Variants in SLC2A7 observed in about 807,000 individuals in gnomAD.
SLC2A7 encodes the protein solute carrier family 2, facilitated glucose transporter member 7.
Under a neutral mutation model 50.5 loss-of-function variants are expected in SLC2A7, and 50 were observed. The observed-to-expected ratio is 0.99, with a 90% CI of 0.79 to 1.25. The LOEUF (loss-of-function observed/expected upper bound fraction) is 1.25, where lower values mean the gene tolerates loss of function less well. Ranked by LOEUF, SLC2A7 falls within the 50% of genes most tolerant of loss-of-function variation. The pLI is 0.00. For missense variants in SLC2A7, 683 were observed against 679.1 expected (o/e 1.01, Z -0.06); for synonymous variants, 308 against 300.4 (o/e 1.03, Z -0.26).
intron 5 of SLC2A7, among the ~76,000 whole-genome samples, chr1:9,016,966 C>T (rs563806228): frequency 2.0e-5 from 3 of 152,128 alleles, no homozygotes; most frequent in Admixed American, 6.5e-5. Context: ...CCACTCCCCC[C>T]GAGGCTAACC....
downstream of SLC2A7, among the ~76,000 whole-genome samples, chr1:8,998,869 T>C (rs1299963959): frequency 6.6e-6 from 1 of 152,212 alleles, no homozygotes; most frequent in Non-Finnish European, 1.5e-5. Flanking sequence ...AATTTTTGTA[T>C]CTATGCTCAT....
chr1:9,017,524 C>T (rs575842727), intron 5 of SLC2A7, among the ~76,000 whole-genome samples: 83 of 152,346 alleles, frequency 5.4e-4, no homozygotes, highest in African/African-American at 1.9e-3. Context: ...CCATTTACGT[C>T]GGATCAGACC....
In SLC2A7 at chr1:9,023,835, C is replaced by CTTTTTTTTT. The variant is rs1557653846; in HGVS notation, c.151-758_151-757insAAAAAAAAA. ...CAGAGGCACCATAGGAAATATTCTT[C>CTTTTTTTTT]TTCTTTTTTTTTTTTTTTTTTTTTT... On this transcript the variant is annotated intron_variant, in intron 2 of 11. Transcript: ENST00000400906. 1.2e-3 allele frequency among the ~76,000 whole-genome samples: 78 copies of CTTTTTTTTT among 65,986 alleles called. 9 individuals carry two copies. Among genetic ancestry groups the CTTTTTTTTT allele is most frequent in the Admixed American group, 1.6e-3 (6 of 3,740 alleles). 43.3% of individuals were successfully genotyped at this position (65,986 alleles called of 152,430 possible). A position where few individuals can be genotyped will look rare whatever the true frequency, so the allele number is the denominator to read the frequency against.
chr1:9,006,937 G>A (rs1640660989), intron 10 of SLC2A7, among the ~76,000 whole-genome samples: 1 of 152,224 alleles, frequency 6.6e-6, no homozygotes, highest in Non-Finnish European at 1.5e-5. Flanking sequence ...AGCCTTGGGT[G>A]TGCTGTGGGC....
In SLC2A7 at chr1:9,023,835, C is replaced by CTTTTTT. The variant is rs1557653846; in HGVS notation, c.151-758_151-757insAAAAAA. The stretch of plus-strand genomic sequence containing the variant: ...CAGAGGCACCATAGGAAATATTCTT[C>CTTTTTT]TTCTTTTTTTTTTTTTTTTTTTTTT... On this transcript the variant is annotated intron_variant, in intron 2 of 11. Transcript: ENST00000400906. Among the ~76,000 whole-genome samples the CTTTTTT allele has an allele frequency of 7.7e-3, 506 of 65,966 alleles. 87 individuals are homozygous for CTTTTTT. Among genetic ancestry groups the CTTTTTT allele is most frequent in the Middle Eastern group, 0.016 (1 of 64 alleles). The allele number at this position is 65,966 out of a possible 152,430, so 43.3% of individuals were successfully genotyped here.
rs770236638 is a variant in SLC2A7 at position 9,018,334 on chromosome 1, C to T, written c.478G>A (p.Ala160Thr). 1.2e-6 allele frequency: 2 copies of T among 1,613,984 alleles called. No individual in the cohort carries two copies. Among genetic ancestry groups the T allele is most frequent in the Non-Finnish European group, 1.7e-6 (2 of 1,180,020 alleles). ...ACCATGCCTCTCAGGTTCTTGGGGG[C>T]CAGTTCTCCCAGGTACATGGGAAGG... ...SALPMYLGELAPKNLRGMVGT... is the reference protein window; with the variant it reads ...SALPMYLGELTPKNLRGMVGT... The change falls in exon 5 of 12, where the codon GCC (alanine) becomes ACC (threonine). Residue 160 changes from alanine (A) to threonine (T), a missense_variant. Transcript: ENST00000400906.
Position 9,019,283 on chromosome 1 carries a change from AG to A in SLC2A7, c.361del (p.Leu121Ter), listed in dbSNP as rs763610764. ...NNIFAIIPAI[L>X]MGVSKVAKAF... Reference sequence around the variant, plus strand: ...CTTGGCCACTTTGCTGACTCCCATCAGGATGGCGGGGATGATGGCAAAGATG... The same window carrying A: ...CTTGGCCACTTTGCTGACTCCCATCAGATGGCGGGGATGATGGCAAAGATG... On this transcript the variant is annotated frameshift_variant, in exon 4 of 12. Transcript: ENST00000400906. LOFTEE classifies it high-confidence loss of function. 8 of 1,614,094 alleles carry A rather than the reference AG, an allele frequency of 5.0e-6. No homozygotes were observed. The South Asian group carries it at 8.8e-5, about 18-fold the overall frequency.
At position 9,014,805 on chromosome 1, in the gene SLC2A7, G is replaced by T; in HGVS notation, c.779C>A (p.Ala260Asp). The T allele has an allele frequency of 1.2e-6, 2 of 1,603,936 alleles. No individual in the cohort carries two copies. Among genetic ancestry groups the T allele is most frequent in the Non-Finnish European group, 1.7e-6 (2 of 1,176,284 alleles). The change falls in exon 7 of 12, where the codon GCC becomes GAC. Residue 260 changes from alanine (A) to aspartate (D), a missense_variant. Physicochemically the swap from Ala to Asp is moderately radical, Grantham distance 126. Coordinates refer to ENST00000400906, the MANE Select transcript of SLC2A7 (RefSeq NM_207420.3). ...GTGGCCCTCGGCGCGCTCGGCCCGG[G>T]CCTCCGCACGCATGTCCTCCAGCTC... The part of the protein sequence containing the change: ...EAELEDMRAE[A>D]RAERAEGHLS...
rs1209627888 is a variant in SLC2A7 at position 9,010,224 on chromosome 1, C to T, written c.1035G>A (p.Leu345=). 6 of 1,551,252 alleles carry T rather than the reference C, an allele frequency of 3.9e-6. No homozygotes were observed. The South Asian group carries it at 5.9e-5, about 15-fold the overall frequency. ...TITSAVLVER[L]GRRHLLLAGY... ...CGGCCAGCAGGAGGTGCCGCCGTCC[C>T]AGCCGCTCCACAAGGACAGCCTGGA... The change falls in exon 9 of 12, where the codon CTG becomes CTA. Residue 345 remains leucine, a synonymous_variant. Coordinates refer to ENST00000400906, the MANE Select transcript of SLC2A7 (RefSeq NM_207420.3).
downstream of SLC2A7, among the ~76,000 whole-genome samples, chr1:9,000,595 G>A (rs1296029084): frequency 2.0e-5 from 3 of 151,888 alleles, no homozygotes; most frequent in Non-Finnish European, 4.4e-5. Context: ...CTCCAGCCTG[G>A]GCAACAGAGC....
chr1:9,004,674 A>G (rs1411294370), intron 11 of SLC2A7, 78 bp downstream of exon 11: 19 of 1,549,748 alleles, frequency 1.2e-5, no homozygotes, highest in Admixed American at 1.7e-5. Flanking sequence ...GGATTCACAG[A>G]TGTGCTTAGC....
intron 8 of SLC2A7, 147 bp from the exon 9 acceptor site, chr1:9,010,391 T>C: frequency 1.5e-6 from 1 of 659,576 alleles, no homozygotes; most frequent in Non-Finnish European, 2.6e-6. Context: ...GGAGTTTTGC[T>C]CTTGCTGCCC....
intron 3 of SLC2A7, among the ~76,000 whole-genome samples, chr1:9,021,925 G>T (rs1384496012): frequency 6.6e-6 from 1 of 151,814 alleles, no homozygotes; most frequent in Non-Finnish European, 1.5e-5. Context: ...AACACTCTTG[G>T]TCTGGCTGAG....
rs751866081 is a variant in SLC2A7 at position 9,022,945 on chromosome 1, A to G, written c.284T>C (p.Val95Ala). 1 of 1,614,128 alleles carries G rather than the reference A, an allele frequency of 6.2e-7. No homozygotes were observed. Among genetic ancestry groups the G allele is most frequent in the South Asian group, 1.1e-5 (1 of 91,074 alleles). Residue 95 changes from valine (V) to alanine (A), a missense_variant, in exon 3 of 12, where the codon GTG becomes GCG. Val to Ala is a moderately conservative substitution (Grantham distance 64). Transcript: ENST00000400906. ...PLGGLLGSLLVGLLVDSCGRK... is the reference protein window; with the variant it reads ...PLGGLLGSLLAGLLVDSCGRK... ...GCCGCAGCTATCAACCAGCAGGCCC[A>G]CGAGCAATGACCCCAACAGGCCGCC...
chr1:9,005,946 C>G lies in SLC2A7; in HGVS notation c.1193-1067G>C, dbSNP rs532348987. On this transcript the variant is annotated intron_variant, in intron 10 of 11. Coordinates refer to ENST00000400906, the MANE Select transcript of SLC2A7 (RefSeq NM_207420.3). ...GGGCCCCTTCTCCAGGGCCCTGACC[C>G]CAAAGTGGACGCCGGCAGGGATGTC... 1.5e-3 allele frequency among the ~76,000 whole-genome samples: 225 copies of G among 152,292 alleles called. 2 individuals are homozygous for G. Among genetic ancestry groups the G allele is most frequent in the African/African-American group, 5.2e-3 (217 of 41,558 alleles).
At position 9,003,194 on chromosome 1, in the gene SLC2A7, CG is replaced by C; in HGVS notation, c.*105del. ...CCATAATTAAGTTAAATGGGGGCAA[CG>C]ACAAAAGCCTCCGTGCTATTATCCT... is the stretch of plus-strand genomic sequence containing the variant. On this transcript the variant is annotated 3_prime_UTR_variant, in exon 12 of 12. Transcript: ENST00000400906. The C allele has an allele frequency of 1.0e-6, 1 of 968,308 alleles. No individual in the cohort carries two copies. The highest frequency in any genetic ancestry group is 2.5e-5 in the East Asian group (1 of 39,376). The allele number at this position is 968,308 out of a possible 1,614,324, so 60.0% of individuals were successfully genotyped here. A position where few individuals can be genotyped will look rare whatever the true frequency, so the allele number is the denominator to read the frequency against.
intron 1 of SLC2A7, 25 bp from the exon 2 acceptor site, chr1:9,025,099 G>A (rs1557654546): frequency 2.5e-6 from 4 of 1,610,910 alleles, no homozygotes; most frequent in Non-Finnish European, 3.4e-6. Context: ...TCCAAGGTCG[G>A]GACGCTGTGG....
At chr1:9,004,702 T>G in intron 11 of SLC2A7, 50 bp downstream of exon 11, 1 of 1,608,248 alleles carries the variant, frequency 6.2e-7, no homozygotes, top group Non-Finnish European at 8.5e-7. Flanking sequence ...GAATACATCT[T>G]ACTCCCTGGA....
intron 10 of SLC2A7, among the ~76,000 whole-genome samples, chr1:9,005,291 G>C (rs1640639831): frequency 6.6e-6 from 1 of 152,158 alleles, no homozygotes; most frequent in Admixed American, 6.5e-5. Context: ...GGGAAGTGCC[G>C]CCCTCCTATG....
Sources: allele counts gnomAD v4.1 joint callset (sites outside exome capture counted in the v4.1 genomes callset), GRCh38; gene constraint gnomAD v4.1.1; transcripts MANE v1.5; gene names NCBI Gene and HGNC (gene_info 2026-07-23, HGNC 2026-07-21).